Variants in KCNH1 observed in about 807,000 individuals in gnomAD.
The protein encoded by KCNH1 is voltage-gated delayed rectifier potassium channel KCNH1.
KCNH1 carries 27 observed loss-of-function variants against 69.2 expected under a neutral mutation model. The ratio of observed to expected loss-of-function variants is 0.39; its 90% CI spans 0.29 to 0.54. KCNH1 has a LOEUF of 0.54. KCNH1 is among the 20% of genes least tolerant of loss of function. The pLI, the probability that KCNH1 is intolerant of heterozygous loss-of-function variation, is 0.68. For missense variants in KCNH1, 798 were observed against 1,261.6 expected (o/e 0.63, Z 5.57); for synonymous variants, 456 against 487.7 (o/e 0.93, Z 0.86).
At chr1:211,101,075 A>G (rs1342899584) in intron 3 of KCNH1, among the ~76,000 whole-genome samples, 1 of 152,088 alleles carries the variant, frequency 6.6e-6, no homozygotes, top group African/African-American at 2.4e-5. Context: ...TCTGCATGGC[A>G]CTTATGCCTG....
At chr1:210,738,756 T>G in intron 10 of KCNH1, among the ~76,000 whole-genome samples, 1 of 151,706 alleles carries the variant, frequency 6.6e-6, no homozygotes, top group East Asian at 1.9e-4. Context: ...TTTTGTAAAA[T>G]GATCTTGCTA....
intron 10 of KCNH1, among the ~76,000 whole-genome samples, chr1:210,699,161 T>C (rs1017694689): frequency 3.3e-5 from 5 of 152,206 alleles, no homozygotes; most frequent in African/African-American, 1.2e-4. Flanking sequence ...AGTAGGCATG[T>C]GGGTTAAATG....
intron 7 of KCNH1, among the ~76,000 whole-genome samples, chr1:210,843,453 C>A (rs1217662887): frequency 1.3e-5 from 2 of 152,164 alleles, no homozygotes; most frequent in African/African-American, 4.8e-5. Flanking sequence ...CCCATTCTGG[C>A]TGAATGCTGA....
chr1:210,860,096 A>G, intron 7 of KCNH1: 1 of 1,148,042 alleles, frequency 8.7e-7, no homozygotes, highest in Non-Finnish European at 1.2e-6. Flanking sequence ...CTTCTCCTGC[A>G]ACTACTGGAA....
At chr1:211,036,442 T>C (rs1231772487) in intron 5 of KCNH1, among the ~76,000 whole-genome samples, 2 of 152,194 alleles carry the variant, frequency 1.3e-5, no homozygotes, top group African/African-American at 4.8e-5. Flanking sequence ...ACATAAGTTC[T>C]ACAGGACAAT....
At chr1:210,984,370 T>C (rs564371675) in intron 6 of KCNH1, among the ~76,000 whole-genome samples, 6 of 152,226 alleles carry the variant, frequency 3.9e-5, no homozygotes, top group African/African-American at 7.2e-5. Context: ...AAGGGAATGC[T>C]TCCAGTTTTT....
intron 7 of KCNH1, among the ~76,000 whole-genome samples, chr1:210,891,528 TTAAAGTA>T: frequency 6.7e-6 from 1 of 149,678 alleles, no homozygotes; most frequent in East Asian, 2.0e-4. Context: ...ACCCTAGAAC[TTAAAGTA>T]TAATTAAAAA....
intron 7 of KCNH1, among the ~76,000 whole-genome samples, chr1:210,857,573 T>G (rs914422255): frequency 1.3e-5 from 2 of 152,194 alleles, no homozygotes; most frequent in Non-Finnish European, 2.9e-5. Flanking sequence ...CAAAGTGCAG[T>G]GTTGCAATCT....
chr1:210,740,731 T>TTTTTTTTTTTTTTG (rs1558449289), intron 10 of KCNH1, among the ~76,000 whole-genome samples: 20 of 119,500 alleles, frequency 1.7e-4, no homozygotes, highest in African/African-American at 7.1e-4. Flanking sequence ...TTTTTTTTTT[T>TTTTTTTTTTTTTTG]TACTAAAAGA....
At chr1:210,846,575 T>C (rs1369171316) in intron 7 of KCNH1, among the ~76,000 whole-genome samples, 2 of 152,122 alleles carry the variant, frequency 1.3e-5, no homozygotes, top group African/African-American at 2.4e-5. Context: ...ACACAAAAAT[T>C]AATTCAAGAT....
intron 7 of KCNH1, among the ~76,000 whole-genome samples, chr1:210,835,460 T>A (rs1461803005): frequency 6.6e-6 from 1 of 152,158 alleles, no homozygotes; most frequent in African/African-American, 2.4e-5. Context: ...TTATCTAAAT[T>A]ATGATTATTT....
rs1435138675 is a variant in KCNH1 at position 210,797,477 on chromosome 1, C to T, written c.1915+31G>A. ...CCAGAAGCTAAGCCAACCCCAGATACCTTTGCCCATCCAGCAAAGCCAACA... is the reference window on the plus strand; with the variant it reads ...CCAGAAGCTAAGCCAACCCCAGATATCTTTGCCCATCCAGCAAAGCCAACA... On this transcript the variant is annotated intron_variant, in intron 9 of 10. Transcript: ENST00000271751. 3.1e-6 allele frequency: 5 copies of T among 1,603,410 alleles called. No individual in the cohort carries two copies. The African/African-American group carries it at 4.0e-5, about 13-fold the overall frequency.
intron 6 of KCNH1, among the ~76,000 whole-genome samples, chr1:211,015,424 A>G (rs894050971): frequency 2.6e-5 from 4 of 152,126 alleles, no homozygotes; most frequent in African/African-American, 9.7e-5. Context: ...TTACTTGTGT[A>G]TTAAGAAGGT....
intron 5 of KCNH1, among the ~76,000 whole-genome samples, chr1:211,074,347 A>G (rs1255232475): frequency 1.3e-5 from 2 of 151,788 alleles, no homozygotes; most frequent in Admixed American, 1.3e-4. Context: ...ATCCTCTTAC[A>G]TAACATAAAT....
At chr1:210,860,368 T>C in intron 7 of KCNH1, 2 of 1,426,516 alleles carry the variant, frequency 1.4e-6, no homozygotes, top group African/African-American at 1.4e-5. Context: ...ACCAATGACC[T>C]GTAAGCAGAT....
intron 6 of KCNH1, among the ~76,000 whole-genome samples, chr1:210,985,816 G>C (rs940519948): frequency 1.3e-4 from 20 of 152,184 alleles, no homozygotes; most frequent in Admixed American, 1.0e-3. Context: ...GTCCAGAGCT[G>C]AGTTCAATTC....
At chr1:211,107,430 T>C in intron 1 of KCNH1, 53 bp from the exon 2 acceptor site, 4 of 1,525,206 alleles carry the variant, frequency 2.6e-6, no homozygotes, top group Non-Finnish European at 3.6e-6. Flanking sequence ...ACACATTAGT[T>C]GAGATTCAAT....
intron 5 of KCNH1, among the ~76,000 whole-genome samples, chr1:211,038,560 G>A (rs1689938823): frequency 6.6e-6 from 1 of 152,228 alleles, no homozygotes; most frequent in Non-Finnish European, 1.5e-5. Context: ...ACTTCCTAGA[G>A]ACTTGATGAA....
chr1:211,027,556 A>G (rs1689707042), intron 5 of KCNH1, among the ~76,000 whole-genome samples: 1 of 152,038 alleles, frequency 6.6e-6, no homozygotes. Flanking sequence ...GTGAGCCATG[A>G]TCACTCTAGT....
Sources: allele counts gnomAD v4.1 joint callset (sites outside exome capture counted in the v4.1 genomes callset), GRCh38; gene constraint gnomAD v4.1.1; transcripts MANE v1.5; gene names NCBI Gene and HGNC (gene_info 2026-07-23, HGNC 2026-07-21).